Variants in MED12 observed in about 807,000 individuals in gnomAD.
The protein encoded by MED12 is mediator of RNA polymerase II transcription subunit 12.
Under a neutral mutation model 177.7 loss-of-function variants are expected in MED12, and 10 were observed. The observed-to-expected ratio is 0.06, with a 90% CI of 0.03 to 0.10. The LOEUF is 0.10. MED12 is among the 10% of genes least tolerant of loss of function. MED12 has a pLI of 1.00. For missense variants in MED12, 867 were observed against 1,780.8 expected (o/e 0.49, Z 9.23); for synonymous variants, 641 against 678.4 (o/e 0.94, Z 0.86).
In MED12 at chrX:71,130,403, C is replaced by A. The variant is rs1422711677; in HGVS notation, c.4047+189C>A. On this transcript the variant is annotated intron_variant, in intron 28 of 44. Coordinates refer to ENST00000374080, the MANE Select transcript of MED12 (RefSeq NM_005120.3). The stretch of plus-strand genomic sequence containing the variant: ...AGGAGTAAGTCCAGTAGGGTCTAGA[C>A]TCCAGTGTAAGAGTATTAGGTGAGG... Among the ~76,000 whole-genome samples the A allele has an allele frequency of 2.7e-5, 3 of 112,680 alleles. No individual in the cohort carries two copies. The East Asian group carries it at 8.3e-4, about 31-fold the overall frequency.
At chrX:71,127,759 C>T in intron 21 of MED12, 134 bp from the exon 22 acceptor site, 1 of 549,794 alleles carries the variant, frequency 1.8e-6, no homozygotes, top group Non-Finnish European at 3.1e-6. Flanking sequence ...TGTTTTGTCC[C>T]ATCTCCCTTT....
At chrX:71,133,721 A>G (rs959295756) in intron 33 of MED12, among the ~76,000 whole-genome samples, 1 of 110,864 alleles carries the variant, frequency 9.0e-6, no homozygotes, top group Non-Finnish European at 1.9e-5. Flanking sequence ...TCATGGTCCA[A>G]TAGGTTATGT....
chrX:71,125,181 T>C, intron 15 of MED12, 35 bp downstream of exon 15: 1 of 1,205,318 alleles, frequency 8.3e-7, no homozygotes, highest in East Asian at 3.0e-5. Context: ...TGATCTGTTT[T>C]GAACCCAGAT....
At chrX:71,133,314 A>T in intron 33 of MED12, 102 bp downstream of exon 33, 1 of 558,462 alleles carries the variant, frequency 1.8e-6, no homozygotes, top group Non-Finnish European at 3.0e-6. Context: ...TAGAGGCCCC[A>T]GGTTATTCTG....
In MED12 at chrX:71,121,712, G is replaced by A. The variant is rs2147780105; in HGVS notation, c.997G>A (p.Ala333Thr). 2.5e-6 allele frequency: 3 copies of A among 1,211,092 alleles called. No individual in the cohort carries two copies. The highest frequency in any genetic ancestry group is 2.2e-6 in the Non-Finnish European group (2 of 895,200). The change falls in exon 7 of 45, where the codon GCT becomes ACT. Residue 333 changes from alanine to threonine, a missense_variant. Transcript: ENST00000374080. ...AACAAGCACGCTACCCACCACCCCTGCTCCTCAGCCCCCAACTAGCAGCAC... is the reference window on the plus strand; with the variant it reads ...AACAAGCACGCTACCCACCACCCCTACTCCTCAGCCCCCAACTAGCAGCAC... Reference protein sequence around the residue: ...QSTSTLPTTPAPQPPTSSTPS... With the variant: ...QSTSTLPTTPTPQPPTSSTPS...
chrX:71,120,833 C>T lies in MED12; in HGVS notation c.554-138C>T, dbSNP rs2092287586. 3 of 730,038 alleles carry T rather than the reference C, an allele frequency of 4.1e-6. No homozygotes were observed. The East Asian group carries it at 1.0e-4, about 25-fold the overall frequency. 60.2% of individuals were successfully genotyped at this position (730,038 alleles called of 1,213,427 possible). A position where few individuals can be genotyped will look rare whatever the true frequency, so the allele number is the denominator to read the frequency against. ...CCATCTTGGCCAGGCTGGTCTCGAACTCCTGACCTCGTGATCCACCTGCCT... is the reference window on the plus strand; with the variant it reads ...CCATCTTGGCCAGGCTGGTCTCGAATTCCTGACCTCGTGATCCACCTGCCT... On this transcript the variant is annotated intron_variant, in intron 4 of 44. Transcript: ENST00000374080.
chrX:71,121,178 G>A (rs771929014), intron 5 of MED12, 26 bp downstream of exon 5: 14 of 1,209,682 alleles, frequency 1.2e-5, no homozygotes, highest in Admixed American at 4.4e-5. Flanking sequence ...TGCTGTGTGG[G>A]GCATTGGGTT....
chrX:71,138,243 TG>T (rs2092337536), intron 41 of MED12, among the ~76,000 whole-genome samples: 1 of 111,591 alleles, frequency 9.0e-6, no homozygotes, highest in Admixed American at 9.5e-5. Flanking sequence ...TCCCAGCACT[TG>T]GGGGCCCAAG....
intron 34 of MED12, 118 bp downstream of exon 34, chrX:71,134,584 C>A: frequency 9.9e-7 from 1 of 1,011,424 alleles, no homozygotes; most frequent in Non-Finnish European, 1.4e-6. Context: ...TGGCCCTGGG[C>A]TCCCCATACA....
chrX:71,120,255 TA>T, intron 4 of MED12, 85 bp downstream of exon 4: 1 of 1,007,657 alleles, frequency 9.9e-7, no homozygotes, highest in Admixed American at 2.2e-5. Context: ...CTTCTTAATC[TA>T]GATTCCTTGT....
In MED12 at chrX:71,139,384, C is replaced by G. The variant is rs759221922; in HGVS notation, c.6045-1251C>G. Among the ~76,000 whole-genome samples, 8 of 110,334 alleles carry G rather than the reference C, an allele frequency of 7.3e-5. No individual in the cohort carries two copies. The East Asian group carries it at 2.0e-3, about 28-fold the overall frequency. The stretch of plus-strand genomic sequence containing the variant: ...ATGGGGACCAGAATGAGGATGGTGC[C>G]TGGGGAGAAGGGCCTGGATGGAGTG... On this transcript the variant is annotated intron_variant, in intron 41 of 44. Coordinates refer to ENST00000374080, the MANE Select transcript of MED12 (RefSeq NM_005120.3).
At position 71,122,191 on chromosome X, in the gene MED12, A is replaced by G. The variant is rs1165300427; in HGVS notation, c.1102-9A>G. On this transcript the variant is annotated splice_polypyrimidine_tract_variant and intron_variant, in intron 7 of 44. Coordinates refer to ENST00000374080, the MANE Select transcript of MED12 (RefSeq NM_005120.3). ...GAATGAGTTGGACTTAGCTGTTTCTATCTGGTAGACCATCCTCCTGTGCTG... is the reference window on the plus strand; with the variant it reads ...GAATGAGTTGGACTTAGCTGTTTCTGTCTGGTAGACCATCCTCCTGTGCTG... 2.5e-6 allele frequency: 3 copies of G among 1,209,981 alleles called. No individual in the cohort carries two copies. The highest frequency in any genetic ancestry group is 2.2e-6 in the Non-Finnish European group (2 of 895,142).
In MED12 at chrX:71,134,790, C is replaced by T; in HGVS notation, c.4805C>T (p.Ser1602Leu). The T allele has an allele frequency of 8.3e-7, 1 of 1,211,047 alleles. No homozygotes were observed. Among genetic ancestry groups the T allele is most frequent in the South Asian group, 1.8e-5 (1 of 56,937 alleles). Residue 1602 changes from serine (S) to leucine (L), a missense_variant, in exon 35 of 45, where the codon TCG becomes TTG. Physicochemically the swap from Ser to Leu is moderately radical, Grantham distance 145. Around this residue, in one of 14 missense-constraint regions of MED12, gnomAD observed 36 missense variants for 141.5 expected, o/e 0.25. Coordinates refer to ENST00000374080, the MANE Select transcript of MED12 (RefSeq NM_005120.3). ...TTGGCTGCAGACATGTCTAGCATCT[C>T]GCAAGGTAGCATGGAGGAAAACAAG... ...GTLAADMSSISQGSMEENKRA... is the reference protein window; with the variant it reads ...GTLAADMSSILQGSMEENKRA...
At chrX:71,124,518 C>G in intron 13 of MED12, 130 bp downstream of exon 13, 1 of 546,388 alleles carries the variant, frequency 1.8e-6, no homozygotes, top group Non-Finnish European at 3.1e-6. Flanking sequence ...TGGTGATTGA[C>G]CAAGCACTCT....
intron 18 of MED12, 57 bp from the exon 19 acceptor site, chrX:71,126,284 T>C (rs936301760): frequency 8.3e-7 from 1 of 1,198,090 alleles, no homozygotes; most frequent in African/African-American, 1.8e-5. Flanking sequence ...CATCCTTTCC[T>C]CCTTCCCTGG....
rs1454836294 is a variant in MED12 at position 71,121,261 on chromosome X, A to T, written c.736-66A>T. 4.6e-6 allele frequency: 4 copies of T among 861,548 alleles called. No homozygotes were observed. The African/African-American group carries it at 7.5e-5, about 16-fold the overall frequency. 71.0% of individuals were successfully genotyped at this position (861,548 alleles called of 1,213,427 possible). A position where few individuals can be genotyped will look rare whatever the true frequency, so the allele number is the denominator to read the frequency against. On this transcript the variant is annotated intron_variant, in intron 5 of 44. Coordinates refer to ENST00000374080, the MANE Select transcript of MED12 (RefSeq NM_005120.3). ...CCTTGCCCCAGTTGTGGTTCTCTTC[A>T]TCTTTTCATTTACTTTATCTGCTTC... is the stretch of plus-strand genomic sequence containing the variant.
chrX:71,126,221 A>G (rs924408908), intron 18 of MED12, 67 bp downstream of exon 18: 9 of 1,154,081 alleles, frequency 7.8e-6, no homozygotes, highest in Middle Eastern at 2.4e-4. Flanking sequence ...TTTCTTCCCT[A>G]TCTTCTCCCT....
rs748008926 is a variant in MED12, at chrX:71,118,752, A to G, written c.-3A>G. The G allele has an allele frequency of 6.6e-6, 8 of 1,204,070 alleles. No homozygotes were observed. The highest frequency in any genetic ancestry group is 1.1e-6 in the Non-Finnish European group (1 of 892,870). Reference sequence around the variant, plus strand: ...GTGCCTCCGGCGCTACGGGCTGGGCAAGATGGCGGCCTTCGGGATCTTGAG... The same window carrying G: ...GTGCCTCCGGCGCTACGGGCTGGGCGAGATGGCGGCCTTCGGGATCTTGAG... On this transcript the variant is annotated 5_prime_UTR_variant, in exon 1 of 45. Coordinates refer to ENST00000374080, the MANE Select transcript of MED12 (RefSeq NM_005120.3).
In MED12 at chrX:71,122,148, C is replaced by T. The variant is rs1214470556; in HGVS notation, c.1102-52C>T. The stretch of plus-strand genomic sequence containing the variant: ...CGGGTTGGGTCTTAGAATGGGATTC[C>T]AGAGGGGTAACCATGGTGAATGAGT... On this transcript the variant is annotated intron_variant, in intron 7 of 44. Coordinates refer to ENST00000374080, the MANE Select transcript of MED12 (RefSeq NM_005120.3). 3.4e-5 allele frequency: 41 copies of T among 1,200,030 alleles called. 1 individual carries two copies. The highest frequency in any genetic ancestry group is 4.4e-5 in the Admixed American group (2 of 45,793).
Sources: gnomAD v4.1 joint callset for allele counts (sites outside exome capture counted in the v4.1 genomes callset) on GRCh38, gnomAD v4.1.1 for gene constraint, gnomAD v4.1.1 regional missense constraint, MANE v1.5 for transcripts, NCBI Gene and HGNC (gene_info 2026-07-23, HGNC 2026-07-21) for gene names.